The following ODAD2 variants were observed in gnomAD, a reference collection of about 807,000 sequenced individuals.
ODAD2 encodes the protein outer dynein arm docking complex subunit 2, also known as outer dynein arm-docking complex subunit 2.
ODAD2 carries 89 observed loss-of-function variants against 106.8 expected under a neutral mutation model. The observed-to-expected ratio is 0.83, with a 90% CI of 0.70 to 0.99. ODAD2 has a LOEUF of 0.99. ODAD2 is among the 50% of genes least tolerant of loss of function. The probability of loss-of-function intolerance (pLI) is 0.00; values close to 1 mark genes in which losing one functional copy is unlikely to be tolerated. For missense variants in ODAD2, 1,168 were observed against 1,238.5 expected (o/e 0.94, Z 0.85); for synonymous variants, 404 against 436.2 (o/e 0.93, Z 0.92).
chr10:27,931,157 T>C (rs893973049), intron 16 of ODAD2, among the ~76,000 whole-genome samples: 1 of 152,202 alleles, frequency 6.6e-6, no homozygotes, highest in Non-Finnish European at 1.5e-5. Context: ...AGGTTGACTA[T>C]GCTTCGAATG....
At chr10:27,985,471 G>A (rs1193939725) in intron 3 of ODAD2, among the ~76,000 whole-genome samples, 2 of 152,180 alleles carry the variant, frequency 1.3e-5, no homozygotes, top group Non-Finnish European at 2.9e-5. Flanking sequence ...GACCAAGACA[G>A]TCATTCATTC....
At chr10:27,929,440 T>A (rs1457497284) in intron 16 of ODAD2, among the ~76,000 whole-genome samples, 1 of 152,198 alleles carries the variant, frequency 6.6e-6, no homozygotes, top group African/African-American at 2.4e-5. Context: ...TCCATTTCTA[T>A]AAAATATAGA....
At chr10:27,944,132 G>A (rs1846678669) in intron 12 of ODAD2, 90 bp downstream of exon 12, 3 of 1,144,338 alleles carry the variant, frequency 2.6e-6, no homozygotes, top group Admixed American at 2.0e-5. Context: ...CATGGCTATG[G>A]AATTTCCAGC....
chr10:27,999,560 T>G (rs974186638), upstream of ODAD2, among the ~76,000 whole-genome samples: 2 of 152,154 alleles, frequency 1.3e-5, no homozygotes, highest in African/African-American at 4.8e-5. Flanking sequence ...TCTCTTTTTT[T>G]AAATGGCCTT....
chr10:27,991,666 A>C (rs1456596685), intron 2 of ODAD2, among the ~76,000 whole-genome samples: 2 of 152,162 alleles, frequency 1.3e-5, no homozygotes, highest in Non-Finnish European at 2.9e-5. Flanking sequence ...ATAAAACTTA[A>C]CTTGTTTTGG....
chr10:27,963,646 C>A (rs896235782), intron 9 of ODAD2, among the ~76,000 whole-genome samples: 4 of 144,702 alleles, frequency 2.8e-5, no homozygotes, highest in Admixed American at 2.7e-4. Context: ...CAATAATAGA[C>A]TATTTATGGT....
intron 7 of ODAD2, among the ~76,000 whole-genome samples, chr10:27,977,702 C>A (rs1265912105): frequency 6.6e-6 from 1 of 151,948 alleles, no homozygotes; most frequent in East Asian, 1.9e-4. Flanking sequence ...CAATAAAAAA[C>A]TGAATAGCCC....
At position 27,812,620 on chromosome 10, in the gene ODAD2, T is replaced by C. The variant is rs1182124453; in HGVS notation, c.3027A>G (p.Leu1009=). ...GGTCAGGGGACCCAACCATATCCAG[T>C]AGAAGCTGTCACACATAAGGAGGAG... ...TMHENGAVKL[L]LDMVGSPDQD... is the part of the protein sequence containing the mutation. Residue 1009 remains leucine (L), a synonymous_variant, in exon 20 of 20, where the codon CTA becomes CTG. Transcript: ENST00000305242. 1 of 1,592,692 alleles carries C rather than the reference T, an allele frequency of 6.3e-7. No homozygotes were observed. The highest frequency in any genetic ancestry group is 8.5e-7 in the Non-Finnish European group (1 of 1,174,312).
chr10:27,888,387 C>T lies in ODAD2; in HGVS notation c.2610+19276G>A, dbSNP rs138412277. On this transcript the variant is annotated intron_variant, in intron 17 of 19. Coordinates refer to ENST00000305242, the MANE Select transcript of ODAD2 (RefSeq NM_018076.5). ...CTGAATGGAGTAAGATGATATCTCA[C>T]TGTGGTTTTTATTTGCATTTCTCTG... 8.0e-3 allele frequency among the ~76,000 whole-genome samples: 1,218 copies of T among 152,056 alleles called. 20 individuals carry two copies. The highest frequency in any genetic ancestry group is 0.028 in the African/African-American group (1,163 of 41,512).
intron 13 of ODAD2, 138 bp from the exon 14 acceptor site, chr10:27,940,145 T>C (rs747821786): frequency 2.7e-4 from 161 of 593,042 alleles, no homozygotes; most frequent in Non-Finnish European, 4.0e-4. Flanking sequence ...CCTACATCAA[T>C]AAGAGAATCA....
chr10:27,921,443 A>C (rs1844771025), intron 16 of ODAD2, among the ~76,000 whole-genome samples: 1 of 152,096 alleles, frequency 6.6e-6, no homozygotes, highest in African/African-American at 2.4e-5. Context: ...GTATGTTTTG[A>C]ATCATGTATG....
intron 17 of ODAD2, among the ~76,000 whole-genome samples, chr10:27,887,910 T>C (rs1340771763): frequency 3.3e-5 from 5 of 152,072 alleles, no homozygotes; most frequent in Non-Finnish European, 5.9e-5. Flanking sequence ...GTATGAACAG[T>C]TGTACACCAA....
At chr10:27,833,389 CAAG>C (rs1837628203) in intron 19 of ODAD2, among the ~76,000 whole-genome samples, 1 of 151,260 alleles carries the variant, frequency 6.6e-6, no homozygotes, top group Non-Finnish European at 1.5e-5. Context: ...AAAAAAAAAT[CAAG>C]GAGGAAAATT....
At chr10:27,926,269 G>C (rs1845255824) in intron 16 of ODAD2, among the ~76,000 whole-genome samples, 1 of 151,924 alleles carries the variant, frequency 6.6e-6, no homozygotes, top group Admixed American at 6.6e-5. Context: ...CATTGTCCTA[G>C]AGAATTAACA....
intron 16 of ODAD2, among the ~76,000 whole-genome samples, chr10:27,923,978 G>GA (rs1365471606): frequency 8.0e-6 from 1 of 124,974 alleles, no homozygotes; most frequent in Admixed American, 8.4e-5. Context: ...AAGAAAGAAA[G>GA]AAAGAAAGAA....
chr10:27,972,322 A>G (rs1017962297), intron 7 of ODAD2, among the ~76,000 whole-genome samples: 2 of 152,172 alleles, frequency 1.3e-5, no homozygotes, highest in African/African-American at 4.8e-5. Flanking sequence ...AAATGGAATC[A>G]TTTTAAAAAG....
chr10:27,901,485 G>A (rs1170831356), intron 17 of ODAD2, among the ~76,000 whole-genome samples: 1 of 152,064 alleles, frequency 6.6e-6, no homozygotes, highest in Non-Finnish European at 1.5e-5. Flanking sequence ...AATGTAAATG[G>A]GCTAAATGCC....
chr10:27,949,799 C>A (rs1484227097), intron 10 of ODAD2, among the ~76,000 whole-genome samples: 1 of 152,082 alleles, frequency 6.6e-6, no homozygotes, highest in Non-Finnish European at 1.5e-5. Flanking sequence ...TGCAGGGATC[C>A]AGAGAATAGA....
intron 17 of ODAD2, among the ~76,000 whole-genome samples, chr10:27,866,334 C>T (rs1480816728): frequency 6.6e-6 from 1 of 152,158 alleles, no homozygotes; most frequent in African/African-American, 2.4e-5. Flanking sequence ...ATCTGTCTGA[C>T]CCCAGAGCCC....
Sources: allele counts gnomAD v4.1 joint callset (sites outside exome capture counted in the v4.1 genomes callset), GRCh38; gene constraint gnomAD v4.1.1; transcripts MANE v1.5; gene names NCBI Gene and HGNC (gene_info 2026-07-23, HGNC 2026-07-21).